Variants in TMEM132B observed in about 807,000 individuals in gnomAD.
TMEM132B encodes the protein transmembrane protein 132B.
In TMEM132B, 18 loss-of-function variants were observed where a neutral mutation model predicts 90.8. The observed-to-expected ratio is 0.20, with a 90% confidence interval of 0.14 to 0.29. The LOEUF is 0.29. TMEM132B is among the 10% of genes least tolerant of loss of function. TMEM132B has a pLI of 1.00. For synonymous variants in TMEM132B, 504 were observed against 523.3 expected, an observed-to-expected ratio of 0.96 and a Z score of 0.50; for missense variants, 1,096 against 1,326.8, an observed-to-expected ratio of 0.83 and a Z score of 2.70.
At chr12:125,222,376 G>T (rs1227708823) in intron 1 of TMEM132B, among the ~76,000 whole-genome samples, 2 of 152,108 alleles carry the variant, frequency 1.3e-5, no homozygotes, top group African/African-American at 4.8e-5. Context: ...TATAATGCTG[G>T]GGTGGGTCAG....
intron 1 of TMEM132B, among the ~76,000 whole-genome samples, chr12:125,202,988 T>C (rs1452577611): frequency 1.3e-5 from 2 of 152,238 alleles, no homozygotes; most frequent in African/African-American, 4.8e-5. Flanking sequence ...TGAAGTCCCA[T>C]GAAGGCTTCT....
intron 3 of TMEM132B, among the ~76,000 whole-genome samples, chr12:125,472,405 C>T (rs148210430): frequency 1.2e-3 from 186 of 152,230 alleles, no homozygotes; most frequent in African/African-American, 4.3e-3. Context: ...CCCCAGTGGA[C>T]GTGGGGTTGG....
chr12:125,645,487 AG>A (rs1366633712), intron 6 of TMEM132B, among the ~76,000 whole-genome samples: 7 of 152,312 alleles, frequency 4.6e-5, no homozygotes, highest in African/African-American at 1.7e-4. Context: ...CTGGCTTTGA[AG>A]GTGGATTGAG....
intron 3 of TMEM132B, among the ~76,000 whole-genome samples, chr12:125,518,224 C>T (rs1883217830): frequency 6.6e-6 from 1 of 152,144 alleles, no homozygotes; most frequent in African/African-American, 2.4e-5. Context: ...TGTGGTTTCC[C>T]CACCACTGTT....
intron 3 of TMEM132B, among the ~76,000 whole-genome samples, chr12:125,421,005 C>A (rs1045061607): frequency 7.2e-5 from 11 of 152,210 alleles, no homozygotes; most frequent in Non-Finnish European, 4.4e-5. Context: ...CAGTTCCCAA[C>A]AAGTTCCTCA....
intron 1 of TMEM132B, among the ~76,000 whole-genome samples, chr12:125,339,511 A>G (rs1478240363): frequency 1.3e-5 from 2 of 152,184 alleles, no homozygotes; most frequent in South Asian, 2.1e-4. Context: ...CTGACGATGG[A>G]ACACCCACTC....
At chr12:125,423,068 GCCCTTA>G (rs1045789693) in intron 3 of TMEM132B, among the ~76,000 whole-genome samples, 34 of 152,150 alleles carry the variant, frequency 2.2e-4, no homozygotes, top group African/African-American at 8.2e-4. Context: ...AGATTCCCTA[GCCCTTA>G]CCCCAGTAGG....
At chr12:125,623,076 G>T (rs1447804808) in intron 5 of TMEM132B, among the ~76,000 whole-genome samples, 3 of 152,128 alleles carry the variant, frequency 2.0e-5, no homozygotes, top group Admixed American at 2.0e-4. Context: ...TCTCCAGTAG[G>T]TTCGGGGAGT....
intron 3 of TMEM132B, among the ~76,000 whole-genome samples, chr12:125,428,793 GC>G (rs1335152828): frequency 6.6e-6 from 1 of 152,074 alleles, no homozygotes; most frequent in African/African-American, 2.4e-5. Flanking sequence ...CAATTATGTG[GC>G]CAACATCCTA....
chr12:125,583,705 T>G, intron 4 of TMEM132B, 146 bp from the exon 5 acceptor site: 71 of 962,402 alleles, frequency 7.4e-5, no homozygotes, highest in Non-Finnish European at 1.0e-4. Context: ...CCATTTTGTG[T>G]GAGCTTTGTG....
At chr12:125,619,756 G>A (rs953594983) in intron 5 of TMEM132B, among the ~76,000 whole-genome samples, 3 of 152,134 alleles carry the variant, frequency 2.0e-5, no homozygotes, top group African/African-American at 7.2e-5. Flanking sequence ...GCTGGACAGG[G>A]GGATCCATAT....
intron 1 of TMEM132B, among the ~76,000 whole-genome samples, chr12:125,273,477 C>A (rs1321564952): frequency 1.3e-5 from 2 of 152,136 alleles, no homozygotes; most frequent in African/African-American, 2.4e-5. Flanking sequence ...GTCCCAGCTA[C>A]TTGGGAGGCT....
chr12:125,221,619 G>A (rs1347685178), intron 1 of TMEM132B, among the ~76,000 whole-genome samples: 3 of 152,198 alleles, frequency 2.0e-5, no homozygotes, highest in African/African-American at 7.2e-5. Context: ...TTAGTACAGT[G>A]GAAGCCTGTA....
At chr12:125,452,911 C>G (rs1302031230) in intron 3 of TMEM132B, among the ~76,000 whole-genome samples, 1 of 151,842 alleles carries the variant, frequency 6.6e-6, no homozygotes, top group East Asian at 1.9e-4. Context: ...TTGTCACTTC[C>G]CTTCACATTT....
chr12:125,355,453 C>A (rs1330986222), intron 2 of TMEM132B, among the ~76,000 whole-genome samples: 1 of 152,012 alleles, frequency 6.6e-6, no homozygotes, highest in Non-Finnish European at 1.5e-5. Flanking sequence ...GAAGCAGAGG[C>A]AGAAAAGAGA....
At chr12:125,397,596 T>C (rs1018219143) in intron 2 of TMEM132B, among the ~76,000 whole-genome samples, 1 of 152,170 alleles carries the variant, frequency 6.6e-6, no homozygotes, top group Non-Finnish European at 1.5e-5. Flanking sequence ...TCATGGTGTG[T>C]ATATATTTGT....
intron 2 of TMEM132B, among the ~76,000 whole-genome samples, chr12:125,351,196 T>G (rs1877567893): frequency 6.6e-6 from 1 of 152,234 alleles, no homozygotes; most frequent in African/African-American, 2.4e-5. Flanking sequence ...TGGTGATGTC[T>G]CAACTCTGCT....
chr12:125,627,014 G>A (rs1411212406), intron 5 of TMEM132B, among the ~76,000 whole-genome samples: 2 of 151,846 alleles, frequency 1.3e-5, no homozygotes, highest in Non-Finnish European at 2.9e-5. Context: ...TGTTTCAGTT[G>A]GGGTAATTCC....
intron 1 of TMEM132B, among the ~76,000 whole-genome samples, chr12:125,188,724 C>T (rs1957775709): frequency 6.6e-6 from 1 of 151,842 alleles, no homozygotes; most frequent in South Asian, 2.1e-4. Context: ...AAATGCCGTC[C>T]GGGCAGAGCC....
Sources: gnomAD v4.1 joint callset for allele counts (sites outside exome capture counted in the v4.1 genomes callset) on GRCh38, gnomAD v4.1.1 for gene constraint, MANE v1.5 for transcripts, NCBI Gene and HGNC (gene_info 2026-07-23, HGNC 2026-07-21) for gene names.